NPSR1: variants seen among roughly 807,000 people sequenced by gnomAD.
The protein encoded by NPSR1 is neuropeptide S receptor.
In NPSR1, 48 loss-of-function variants were observed where a neutral mutation model predicts 46.9. The ratio of observed to expected loss-of-function variants is 1.02; its 90% CI spans 0.81 to 1.30. NPSR1 has a LOEUF of 1.30. Among genes scored for constraint, NPSR1 ranks in the 50% most tolerant of loss-of-function variants. The pLI, the probability that NPSR1 is intolerant of heterozygous loss-of-function variation, is 0.00. For missense variants in NPSR1, 450 were observed against 449.5 expected, an observed-to-expected ratio of 1.00 and a Z score of -0.01; for synonymous variants, 176 against 168.1, an observed-to-expected ratio of 1.05 and a Z score of -0.36.
chr7:34,808,340 T>C (rs865927438), intron 3 of NPSR1, among the ~76,000 whole-genome samples: 1 of 152,250 alleles, frequency 6.6e-6, no homozygotes, highest in Non-Finnish European at 1.5e-5. Flanking sequence ...AGGAAACTAA[T>C]TAAAATTTCT....
chr7:34,819,318 CTCA>C (rs1315526177), intron 4 of NPSR1, among the ~76,000 whole-genome samples: 3 of 152,200 alleles, frequency 2.0e-5, no homozygotes, highest in Non-Finnish European at 4.4e-5. Context: ...TGAAAAAATG[CTCA>C]TCATCACTGA....
At chr7:34,743,144 T>G (rs539650196) in intron 2 of NPSR1, among the ~76,000 whole-genome samples, 1 of 152,330 alleles carries the variant, frequency 6.6e-6, no homozygotes, top group African/African-American at 2.4e-5. Context: ...CAGAAACTCT[T>G]AAGTTTAATT....
chr7:34,783,529 T>C lies in NPSR1; in HGVS notation c.384+4964T>C, dbSNP rs1489389486. Among the ~76,000 whole-genome samples the C allele has an allele frequency of 2.0e-5, 3 of 152,048 alleles. No individual in the cohort carries two copies. In the East Asian group the frequency reaches 5.8e-4, roughly 29 times the overall value. On this transcript the variant is annotated intron_variant, in intron 3 of 8. Coordinates refer to ENST00000360581, the MANE Select transcript of NPSR1 (RefSeq NM_207172.2). ...GATTTGGGTAGGAACATAGCCAAAC[T>C]ATATTATACAAGTTATAGGAGTTAT...
At chr7:34,793,051 G>A (rs1313749471) in intron 3 of NPSR1, among the ~76,000 whole-genome samples, 1 of 151,678 alleles carries the variant, frequency 6.6e-6, no homozygotes, top group Non-Finnish European at 1.5e-5. Flanking sequence ...AAATAACCAG[G>A]CATATTGGCA....
At chr7:34,789,402 G>A (rs1787615050) in intron 3 of NPSR1, among the ~76,000 whole-genome samples, 1 of 151,874 alleles carries the variant, frequency 6.6e-6, no homozygotes, top group Non-Finnish European at 1.5e-5. Context: ...AGAATAACTA[G>A]GAAAAAGAAG....
chr7:34,689,604 CAAAAAAAAAAAAAAAA>C (rs869170591), intron 2 of NPSR1, among the ~76,000 whole-genome samples: 2 of 36,676 alleles, frequency 5.5e-5, no homozygotes, highest in Admixed American at 5.5e-4. Flanking sequence ...GACTCTGTCT[CAAAAAAAAAAAAAAAA>C]AAAAAAAAAA....
chr7:34,726,837 TCAG>T (rs1419889311), intron 2 of NPSR1, among the ~76,000 whole-genome samples: 1 of 141,204 alleles, frequency 7.1e-6, no homozygotes, highest in Non-Finnish European at 1.5e-5. Context: ...AAAAAAAAAA[TCAG>T]CAGCTTTCAG....
At chr7:34,738,140 C>A (rs1583912846) in intron 2 of NPSR1, among the ~76,000 whole-genome samples, 1 of 152,314 alleles carries the variant, frequency 6.6e-6, no homozygotes, top group Non-Finnish European at 1.5e-5. Context: ...GAGCCAAAAT[C>A]AAATCAAAGC....
intron 1 of NPSR1, among the ~76,000 whole-genome samples, chr7:34,670,506 G>T (rs563326128): frequency 2.2e-3 from 334 of 151,592 alleles, no homozygotes; most frequent in Admixed American, 5.4e-3. Context: ...TTCAGGACTA[G>T]CAAGCATTAT....
At chr7:34,806,792 A>C (rs1788721724) in intron 3 of NPSR1, among the ~76,000 whole-genome samples, 2 of 152,144 alleles carry the variant, frequency 1.3e-5, no homozygotes, top group Non-Finnish European at 2.9e-5. Context: ...TTTTTTGTAA[A>C]TATAAAATTG....
chr7:34,686,219 C>G (rs918825673), intron 2 of NPSR1: 1 of 152,260 alleles, frequency 6.6e-6, no homozygotes, highest in African/African-American at 2.4e-5. Flanking sequence ...TTAATCTGGG[C>G]TTAATTTCAT....
chr7:34,668,604 C>G (rs545399010), intron 1 of NPSR1, among the ~76,000 whole-genome samples: 2 of 152,286 alleles, frequency 1.3e-5, no homozygotes, highest in African/African-American at 4.8e-5. Flanking sequence ...GGGTTAAAAT[C>G]ATAATATTTT....
intron 3 of NPSR1, among the ~76,000 whole-genome samples, chr7:34,799,010 T>A (rs1178272835): frequency 6.6e-6 from 1 of 151,932 alleles, no homozygotes; most frequent in Non-Finnish European, 1.5e-5. Flanking sequence ...AATAAAAAAA[T>A]GTGATATTAA....
At chr7:34,874,767 A>C (rs1791538442) in intron 8 of NPSR1, among the ~76,000 whole-genome samples, 1 of 152,014 alleles carries the variant, frequency 6.6e-6, no homozygotes, top group Admixed American at 6.5e-5. Flanking sequence ...ATGAGAAACT[A>C]ACAGGAAAAC....
At chr7:34,665,125 A>G (rs1344247424) in intron 1 of NPSR1, among the ~76,000 whole-genome samples, 1 of 152,222 alleles carries the variant, frequency 6.6e-6, no homozygotes, top group Non-Finnish European at 1.5e-5. Flanking sequence ...ATAAAATAAG[A>G]AAGAAAAGAA....
At chr7:34,861,837 T>C (rs1791198395) in intron 8 of NPSR1, among the ~76,000 whole-genome samples, 2 of 151,816 alleles carry the variant, frequency 1.3e-5, no homozygotes, top group Admixed American at 6.5e-5. Flanking sequence ...GAATTGGGAA[T>C]GTGATATCTC....
At chr7:34,754,193 C>G (rs1785696142) in intron 2 of NPSR1, among the ~76,000 whole-genome samples, 2 of 152,016 alleles carry the variant, frequency 1.3e-5, no homozygotes, top group African/African-American at 4.8e-5. Flanking sequence ...GGACACAGGA[C>G]TAGGTTTATC....
At chr7:34,682,952 C>A (rs1187029264) in intron 1 of NPSR1, among the ~76,000 whole-genome samples, 1 of 152,100 alleles carries the variant, frequency 6.6e-6, no homozygotes, top group African/African-American at 2.4e-5. Context: ...GCTCTCCAAC[C>A]CTGTCATCCT....
chr7:34,731,188 G>A (rs569892269), intron 2 of NPSR1, among the ~76,000 whole-genome samples: 1 of 151,968 alleles, frequency 6.6e-6, no homozygotes, highest in South Asian at 2.1e-4. Context: ...TATTTACATA[G>A]CTGATCAAGA....
Sources: allele counts gnomAD v4.1 joint callset (sites outside exome capture counted in the v4.1 genomes callset), GRCh38; gene constraint gnomAD v4.1.1; transcripts MANE v1.5; gene names NCBI Gene and HGNC (gene_info 2026-07-23, HGNC 2026-07-21).